PHF20L1: variants seen among roughly 807,000 people sequenced by gnomAD.
PHF20L1 encodes the protein PHD finger protein 20 like 1, also known as PHD finger protein 20-like protein 1.
Under a neutral mutation model 125.5 loss-of-function variants are expected in PHF20L1, and 44 were observed. The observed-to-expected ratio is 0.35, with a 90% CI of 0.28 to 0.45. The LOEUF is 0.45. PHF20L1 is among the 20% of genes least tolerant of loss of function. The pLI, the probability that PHF20L1 is intolerant of heterozygous loss-of-function variation, is 1.00. For missense variants in PHF20L1, 1,012 were observed against 1,217.2 expected, an observed-to-expected ratio of 0.83 and a Z score of 2.51; for synonymous variants, 380 against 403.1, an observed-to-expected ratio of 0.94 and a Z score of 0.69.
intron 2 of PHF20L1, among the ~76,000 whole-genome samples, chr8:132,779,315 G>A (rs752675960): frequency 6.6e-6 from 1 of 152,112 alleles, no homozygotes; most frequent in Non-Finnish European, 1.5e-5. Flanking sequence ...AATGAGGGTG[G>A]GTGGCGGTAA....
chr8:132,801,743 C>T (rs535829636), intron 6 of PHF20L1, among the ~76,000 whole-genome samples: 25 of 148,174 alleles, frequency 1.7e-4, no homozygotes, highest in African/African-American at 5.0e-4. Context: ...TATAAATAAA[C>T]GTAAAAGCAA....
At chr8:132,792,499 C>A (rs141080344) in intron 2 of PHF20L1, among the ~76,000 whole-genome samples, 18 of 152,122 alleles carry the variant, frequency 1.2e-4, no homozygotes, top group South Asian at 2.1e-4. Context: ...CTTACTCCCC[C>A]CAAAAGACTA....
intron 2 of PHF20L1, among the ~76,000 whole-genome samples, chr8:132,784,127 G>A (rs184636218): frequency 3.5e-4 from 54 of 152,196 alleles, no homozygotes; most frequent in African/African-American, 1.3e-3. Flanking sequence ...CTCCAAAAAT[G>A]TGAAAAGCAT....
rs1417033386 is a variant in PHF20L1 at position 132,817,031 on chromosome 8, T to C, written c.1327T>C (p.Phe443Leu). 6.2e-7 allele frequency: 1 copy of C among 1,604,618 alleles called. No individual in the cohort carries two copies. Among genetic ancestry groups the C allele is most frequent in the South Asian group, 1.1e-5 (1 of 89,930 alleles). ...SPSPATDGKV[F>L]SISSQNQQES... ...CTCTCCAGCCACTGATGGGAAAGTA[T>C]TCTCCATCAGTTCTCAAAATCAGCA... Residue 443 changes from phenylalanine to leucine, a missense_variant, in exon 11 of 21, where the codon TTC becomes CTC. Coordinates refer to ENST00000395386, the MANE Select transcript of PHF20L1 (RefSeq NM_016018.5).
intron 2 of PHF20L1, among the ~76,000 whole-genome samples, chr8:132,780,709 C>G (rs1052540749): frequency 6.6e-6 from 1 of 152,042 alleles, no homozygotes; most frequent in Non-Finnish European, 1.5e-5. Flanking sequence ...TCTCTATACT[C>G]AAAACATTTA....
rs1835046374 is a variant in PHF20L1, at chr8:132,816,872, G to A, written c.1184-16G>A. Reference sequence around the variant, plus strand: ...GGTATGTATCTGCTTCGTGAACATTGAAGATCTTTTTCTAGGTCCTCCACA... The same window carrying A: ...GGTATGTATCTGCTTCGTGAACATTAAAGATCTTTTTCTAGGTCCTCCACA... On this transcript the variant is annotated splice_polypyrimidine_tract_variant and intron_variant, in intron 10 of 20. Transcript: ENST00000395386. 3.8e-6 allele frequency: 6 copies of A among 1,583,026 alleles called. No individual in the cohort carries two copies. The highest frequency in any genetic ancestry group is 1.3e-5 in the African/African-American group (1 of 74,086).
At chr8:132,796,294 A>G (rs1427039090) in intron 4 of PHF20L1, among the ~76,000 whole-genome samples, 1 of 152,072 alleles carries the variant, frequency 6.6e-6, no homozygotes, top group African/African-American at 2.4e-5. Flanking sequence ...GTTGGAGAGA[A>G]AGGCAAAGAT....
intron 2 of PHF20L1, among the ~76,000 whole-genome samples, chr8:132,789,636 A>C (rs1831447635): frequency 6.6e-6 from 1 of 152,128 alleles, no homozygotes; most frequent in Admixed American, 6.5e-5. Context: ...TAGTTTTCTG[A>C]GGGTAAACTC....
intron 2 of PHF20L1, among the ~76,000 whole-genome samples, chr8:132,783,622 A>G (rs982439953): frequency 4.6e-5 from 7 of 152,148 alleles, no homozygotes; most frequent in African/African-American, 1.4e-4. Flanking sequence ...CACCAGGTGA[A>G]TACTTCAAAA....
At chr8:132,821,356 CAG>C (rs1283675582) in intron 12 of PHF20L1, among the ~76,000 whole-genome samples, 2 of 151,858 alleles carry the variant, frequency 1.3e-5, no homozygotes, top group Non-Finnish European at 1.5e-5. Context: ...CAGTGAAAAA[CAG>C]AAGTAGGTCA....
At chr8:132,812,327 A>C in intron 9 of PHF20L1, 1 of 984,922 alleles carries the variant, frequency 1.0e-6, no homozygotes, top group East Asian at 1.1e-4. Context: ...TTACAATGTC[A>C]ATCTTTGATT....
chr8:132,824,941 C>A lies in PHF20L1; in HGVS notation c.1637-323C>A. 5.6e-6 allele frequency: 6 copies of A among 1,070,204 alleles called. No homozygotes were observed. The South Asian group carries it at 7.9e-5, about 14-fold the overall frequency. 66.3% of individuals were successfully genotyped at this position (1,070,204 alleles called of 1,614,324 possible). ...AATGCTGAGTCTCTTCATTCAGGTC[C>A]TTTGTAAATTATGGAGTTTAACTTC... is the stretch of plus-strand genomic sequence containing the variant. On this transcript the variant is annotated intron_variant, in intron 13 of 20. Transcript: ENST00000395386.
chr8:132,802,134 T>C (rs1833132858), intron 6 of PHF20L1, among the ~76,000 whole-genome samples: 1 of 137,018 alleles, frequency 7.3e-6, no homozygotes, highest in Non-Finnish European at 1.6e-5. Flanking sequence ...TTGATTGTTC[T>C]CTCTCAATCC....
intron 8 of PHF20L1, chr8:132,810,089 G>C (rs1054918155): frequency 4.0e-5 from 6 of 150,758 alleles, no homozygotes; most frequent in African/African-American, 7.3e-5. Context: ...CTGCCACCTA[G>C]GGTGGAGTGC....
At chr8:132,780,720 C>T (rs1013577107) in intron 2 of PHF20L1, among the ~76,000 whole-genome samples, 3 of 151,918 alleles carry the variant, frequency 2.0e-5, no homozygotes, top group South Asian at 2.1e-4. Context: ...AAAACATTTA[C>T]AATAAGCAGT....
chr8:132,834,969 T>C (rs1247000165), intron 15 of PHF20L1, among the ~76,000 whole-genome samples: 1 of 152,052 alleles, frequency 6.6e-6, no homozygotes, highest in Non-Finnish European at 1.5e-5. Flanking sequence ...AAACATTGAA[T>C]GAAGAAAAAA....
At chr8:132,816,775 A>G (rs931551445) in intron 10 of PHF20L1, 113 bp from the exon 11 acceptor site, 27 of 744,108 alleles carry the variant, frequency 3.6e-5, no homozygotes, top group East Asian at 8.1e-5. Context: ...TGGATATCTT[A>G]TAACAACATC....
At position 132,847,625 on chromosome 8, in the gene PHF20L1, A is replaced by G. The variant is rs573369269; in HGVS notation, c.*1702A>G. ...TGCCTTTTTGCGGCCTTATATTTTG[A>G]TGTAAAGATTAAAAGAATGTGCAAA... is the stretch of plus-strand genomic sequence containing the variant. On this transcript the variant is annotated 3_prime_UTR_variant, in exon 21 of 21. Transcript: ENST00000395386. 8 of 152,680 alleles carry G rather than the reference A, an allele frequency of 5.2e-5. No homozygotes were observed. The highest frequency in any genetic ancestry group is 1.9e-4 in the African/African-American group (8 of 41,578). 9.5% of individuals were successfully genotyped at this position (152,680 alleles called of 1,614,324 possible). A position where few individuals can be genotyped will look rare whatever the true frequency, so the allele number is the denominator to read the frequency against.
intron 14 of PHF20L1, among the ~76,000 whole-genome samples, chr8:132,830,608 CAG>C (rs1364845691): frequency 1.3e-5 from 2 of 152,058 alleles, no homozygotes; most frequent in African/African-American, 4.8e-5. Context: ...CTTTTCCTCA[CAG>C]AGTTGAGAAG....
Sources: gnomAD v4.1 joint callset for allele counts (sites outside exome capture counted in the v4.1 genomes callset) on GRCh38, gnomAD v4.1.1 for gene constraint, MANE v1.5 for transcripts, NCBI Gene and HGNC (gene_info 2026-07-23, HGNC 2026-07-21) for gene names.